The following PCDHA4 variants were observed in gnomAD, a reference collection of about 807,000 sequenced individuals.
PCDHA4 encodes protocadherin alpha 4.
PCDHA4 carries 49 observed loss-of-function variants against 61.4 expected under a neutral mutation model. The ratio of observed to expected loss-of-function variants is 0.80; its 90% CI spans 0.63 to 1.01. The LOEUF is 1.01. PCDHA4 is among the 50% of genes least tolerant of loss of function. The probability of loss-of-function intolerance (pLI) is 0.00; values close to 1 mark genes in which losing one functional copy is unlikely to be tolerated. For synonymous variants in PCDHA4, 590 were observed against 550.3 expected (o/e 1.07, Z -1.01); for missense variants, 1,254 against 1,235.8 (o/e 1.01, Z -0.22).
chr5:140,834,415 G>A, intron 1 of PCDHA4: 1 of 1,611,536 alleles, frequency 6.2e-7, no homozygotes, highest in Non-Finnish European at 8.5e-7. Flanking sequence ...GACCCAGGGG[G>A]CCGACATCTA....
In PCDHA4 at chr5:140,875,735, C is replaced by A. The variant is rs376701509; in HGVS notation, c.2385+66163C>A. The stretch of plus-strand genomic sequence containing the variant: ...CAGAATGGCATTTTGTTTGTGAATT[C>A]TCGGATCGACCGCGAGAAGCTGTGC... On this transcript the variant is annotated intron_variant, in intron 1 of 3. Coordinates refer to ENST00000530339, the MANE Select transcript of PCDHA4 (RefSeq NM_018907.4). 16 of 1,614,114 alleles carry A rather than the reference C, an allele frequency of 9.9e-6. No homozygotes were observed. In the Middle Eastern group the frequency reaches 4.9e-4, roughly 50 times the overall value.
chr5:140,905,891 G>A (rs1486335678), intron 1 of PCDHA4, among the ~76,000 whole-genome samples: 2 of 152,162 alleles, frequency 1.3e-5, no homozygotes, highest in African/African-American at 4.8e-5. Context: ...TAGGCCATCT[G>A]CAAGCTGAGG....
At chr5:140,968,150 A>G (rs1554230413) in intron 1 of PCDHA4, 2 of 1,614,180 alleles carry the variant, frequency 1.2e-6, no homozygotes, top group Admixed American at 1.7e-5. Flanking sequence ...GATCTCTGAC[A>G]TCAATGACAA....
At chr5:140,902,854 C>T (rs186872091) in intron 1 of PCDHA4, among the ~76,000 whole-genome samples, 154 of 152,240 alleles carry the variant, frequency 1.0e-3, no homozygotes, top group Middle Eastern at 3.4e-3. Flanking sequence ...AGAAAAATGG[C>T]GTCCAGGTCC....
At chr5:140,999,494 C>G (rs2097859711) in intron 3 of PCDHA4, among the ~76,000 whole-genome samples, 1 of 152,064 alleles carries the variant, frequency 6.6e-6, no homozygotes, top group Non-Finnish European at 1.5e-5. Context: ...CTATGTTACC[C>G]AAGAACCTAC....
At chr5:140,853,696 TAACGC>T (rs1477764717) in intron 1 of PCDHA4, 1 of 988,156 alleles carries the variant, frequency 1.0e-6, no homozygotes, top group African/African-American at 1.8e-5. Flanking sequence ...TTAGACCTGC[TAACGC>T]ATTAGCATTA....
At chr5:140,870,436 G>A (rs782478068) in intron 1 of PCDHA4, 7 of 1,614,128 alleles carry the variant, frequency 4.3e-6, no homozygotes, top group Non-Finnish European at 5.9e-6. Context: ...CGTGGAGGTG[G>A]CCGACGTGAA....
In PCDHA4 at chr5:140,883,821, A is replaced by G. The variant is rs376667172; in HGVS notation, c.2385+74249A>G. 3 of 1,612,334 alleles carry G rather than the reference A, an allele frequency of 1.9e-6. No homozygotes were observed. Among genetic ancestry groups the G allele is most frequent in the Non-Finnish European group, 2.5e-6 (3 of 1,179,764 alleles). The stretch of plus-strand genomic sequence containing the variant: ...GTGCACGCGGAGAGCGGCAAGGTGT[A>G]CGCGCTGCAGCCGTTGGACCACGAG... On this transcript the variant is annotated intron_variant, in intron 1 of 3. Coordinates refer to ENST00000530339, the MANE Select transcript of PCDHA4 (RefSeq NM_018907.4).
At chr5:140,925,408 G>C (rs2082482597) in intron 1 of PCDHA4, among the ~76,000 whole-genome samples, 1 of 152,058 alleles carries the variant, frequency 6.6e-6, no homozygotes, top group Non-Finnish European at 1.5e-5. Flanking sequence ...TCCTTCTTAG[G>C]GAAAGGAACT....
chr5:140,892,212 T>C (rs1554185117), intron 1 of PCDHA4, among the ~76,000 whole-genome samples: 5 of 152,236 alleles, frequency 3.3e-5, no homozygotes, highest in Admixed American at 2.6e-4. Context: ...TTTAAAATTG[T>C]ATCTTTATGG....
At chr5:140,844,894 C>G (rs2150374853) in intron 1 of PCDHA4, among the ~76,000 whole-genome samples, 6 of 149,362 alleles carry the variant, frequency 4.0e-5, no homozygotes, top group African/African-American at 1.2e-4. Context: ...GTGCATATTG[C>G]TTTGGAGAGA....
chr5:141,007,775 A>G (rs1156577699), intron 3 of PCDHA4, among the ~76,000 whole-genome samples: 2 of 152,216 alleles, frequency 1.3e-5, no homozygotes, highest in Non-Finnish European at 2.9e-5. Context: ...TGGAAATGGT[A>G]CTGCTTTACA....
chr5:140,933,405 T>C (rs2089126451), intron 1 of PCDHA4, among the ~76,000 whole-genome samples: 1 of 152,062 alleles, frequency 6.6e-6, no homozygotes, highest in African/African-American at 2.4e-5. Context: ...GGTTACCATC[T>C]ACAGATATTC....
At chr5:140,884,068 T>A (rs1554181200) in intron 1 of PCDHA4, 1 of 1,613,416 alleles carries the variant, frequency 6.2e-7, no homozygotes. Context: ...TGGACGCCGA[T>A]TCGGGCTACA....
chr5:140,927,260 T>G, intron 1 of PCDHA4: 2 of 1,614,070 alleles, frequency 1.2e-6, no homozygotes, highest in Non-Finnish European at 1.7e-6. Flanking sequence ...AACTCACCTC[T>G]CTTTCCTGCC....
chr5:140,910,924 A>G (rs568597600), intron 1 of PCDHA4, among the ~76,000 whole-genome samples: 2 of 152,260 alleles, frequency 1.3e-5, no homozygotes, highest in South Asian at 4.1e-4. Flanking sequence ...GCTTATATAA[A>G]TAAGAAAGCT....
chr5:140,844,884 G>A (rs1389205077), intron 1 of PCDHA4, among the ~76,000 whole-genome samples: 2 of 149,232 alleles, frequency 1.3e-5, no homozygotes, highest in South Asian at 2.1e-4. Context: ...ATTAGACTTC[G>A]TGCATATTGC....
At position 140,877,853 on chromosome 5, in the gene PCDHA4, A is replaced by G. The variant is rs1299590962; in HGVS notation, c.2385+68281A>G. On this transcript the variant is annotated intron_variant, in intron 1 of 3. Transcript: ENST00000530339. ...CCTCCCAGTGAAGTAAGTTATTAAT[A>G]TTATTTAGATATATTTGTTTCCTTG... 2.0e-6 allele frequency: 3 copies of G among 1,535,406 alleles called. No homozygotes were observed. The East Asian group carries it at 7.1e-5, about 36-fold the overall frequency.
intron 1 of PCDHA4, among the ~76,000 whole-genome samples, chr5:140,960,274 C>A (rs1291069063): frequency 6.6e-6 from 1 of 152,130 alleles, no homozygotes. Context: ...ATTCCGTCAC[C>A]TTTTTGGGAC....
Sources: gnomAD v4.1 joint callset for allele counts (sites outside exome capture counted in the v4.1 genomes callset) on GRCh38, gnomAD v4.1.1 for gene constraint, MANE v1.5 for transcripts, NCBI Gene and HGNC (gene_info 2026-07-23, HGNC 2026-07-21) for gene names.